Variants in DSCAM observed in about 807,000 individuals in gnomAD.
DSCAM encodes cell adhesion molecule DSCAM.
Under a neutral mutation model 217.7 loss-of-function variants are expected in DSCAM, and 47 were observed. The ratio of observed to expected loss-of-function variants is 0.22; its 90% CI spans 0.17 to 0.28. DSCAM has a LOEUF of 0.28. Ranked by LOEUF, DSCAM falls within the 10% of genes least tolerant of loss-of-function variation. The probability of loss-of-function intolerance (pLI) is 1.00; values close to 1 mark genes in which losing one functional copy is unlikely to be tolerated. For synonymous variants in DSCAM, 1,056 were observed against 1,015.3 expected, an observed-to-expected ratio of 1.04 and a Z score of -0.76; for missense variants, 2,080 against 2,618.3, an observed-to-expected ratio of 0.79 and a Z score of 4.49.
intron 1 of DSCAM, among the ~76,000 whole-genome samples, chr21:40,739,402 T>C (rs1466523096): frequency 1.3e-5 from 2 of 152,206 alleles, no homozygotes; most frequent in Admixed American, 6.5e-5. Flanking sequence ...GCACTACAGA[T>C]GAGTGGCTTA....
chr21:40,290,916 A>T (rs1322125738), intron 10 of DSCAM, among the ~76,000 whole-genome samples: 9 of 152,268 alleles, frequency 5.9e-5, no homozygotes, highest in Non-Finnish European at 1.0e-4. Context: ...GCAGAACAGA[A>T]CATAGAGGGT....
At chr21:40,529,450 C>T (rs1004582172) in intron 3 of DSCAM, among the ~76,000 whole-genome samples, 1 of 152,172 alleles carries the variant, frequency 6.6e-6, no homozygotes, top group Non-Finnish European at 1.5e-5. Context: ...ACCTTAACTG[C>T]AAAGTCTTGG....
intron 3 of DSCAM, among the ~76,000 whole-genome samples, chr21:40,419,686 T>C (rs988369303): frequency 1.3e-5 from 2 of 152,182 alleles, no homozygotes; most frequent in African/African-American, 4.8e-5. Context: ...CAAGAATGTA[T>C]TGCATAACTT....
intron 24 of DSCAM, among the ~76,000 whole-genome samples, chr21:40,083,206 A>C (rs2089487619): frequency 6.6e-6 from 1 of 152,234 alleles, no homozygotes; most frequent in Non-Finnish European, 1.5e-5. Flanking sequence ...AGGTGAGCGG[A>C]TCACCTGAGG....
intron 11 of DSCAM, among the ~76,000 whole-genome samples, chr21:40,265,251 A>G (rs2073509555): frequency 6.6e-6 from 1 of 152,050 alleles, no homozygotes; most frequent in South Asian, 2.1e-4. Flanking sequence ...AAAGAAAATA[A>G]AACACTTTAT....
At chr21:40,689,094 A>G (rs1340823189) in intron 3 of DSCAM, among the ~76,000 whole-genome samples, 2 of 152,252 alleles carry the variant, frequency 1.3e-5, no homozygotes, top group Non-Finnish European at 2.9e-5. Context: ...TGTGCTTCTC[A>G]GGAAAATAAA....
chr21:40,667,515 C>G (rs1601834839), intron 3 of DSCAM, among the ~76,000 whole-genome samples: 1 of 152,178 alleles, frequency 6.6e-6, no homozygotes, highest in East Asian at 1.9e-4. Context: ...GGAAGGCTAC[C>G]TTCGATTTAT....
rs140343732 is a variant in DSCAM at position 40,618,530 on chromosome 21, T to C, written c.508+74280A>G. 2.5e-3 allele frequency: 387 copies of C among 152,320 alleles called. 2 individuals are homozygous for C. Among genetic ancestry groups the C allele is most frequent in the African/African-American group, 8.9e-3 (368 of 41,572 alleles). The allele number at this position is 152,320 out of a possible 1,614,324, so 9.4% of individuals were successfully genotyped here. A position where few individuals can be genotyped will look rare whatever the true frequency, so the allele number is the denominator to read the frequency against. On this transcript the variant is annotated intron_variant, in intron 3 of 32. Transcript: ENST00000400454. ...TCTGCATCCAGAACATCTGGGTTTA[T>C]TAGGCCTAGGATTTTTCTGCACATT...
Position 40,093,866 on chromosome 21 carries a change from G to A in DSCAM, c.3705C>T (p.Ser1235=), listed in dbSNP as rs116157569. The change falls in exon 21 of 33, where the codon AGC becomes AGT. Residue 1235 remains serine (S), a synonymous_variant. Transcript: ENST00000400454. ...ACGAGTCGGGAGAGGCCTCAAACTC[G>A]CTGATCACCTGTAAAAAGAGACATA... ...FCSHPYPTVI[S]EFEASPDSFS... The A allele has an allele frequency of 1.7e-3, 2,680 of 1,613,390 alleles. 37 individuals are homozygous for A. In the African/African-American group the frequency reaches 0.03, roughly 18 times the overall value.
chr21:40,481,306 G>A, intron 3 of DSCAM, among the ~76,000 whole-genome samples: 1 of 151,964 alleles, frequency 6.6e-6, no homozygotes, highest in East Asian at 1.9e-4. Flanking sequence ...CGGCTAACAT[G>A]GTGAAACCCC....
intron 3 of DSCAM, among the ~76,000 whole-genome samples, chr21:40,518,782 T>G (rs1364920304): frequency 6.6e-6 from 1 of 150,698 alleles, no homozygotes; most frequent in Admixed American, 6.7e-5. Context: ...GATACAACTG[T>G]GCATGGCTTA....
chr21:40,389,207 A>C (rs568681963), intron 3 of DSCAM, among the ~76,000 whole-genome samples: 171 of 152,318 alleles, frequency 1.1e-3, no homozygotes, highest in African/African-American at 3.7e-3. Flanking sequence ...AGAAAACTTC[A>C]CTTGTCATTT....
chr21:40,608,712 G>T (rs981013295), intron 3 of DSCAM, among the ~76,000 whole-genome samples: 6 of 151,980 alleles, frequency 3.9e-5, no homozygotes, highest in African/African-American at 1.5e-4. Flanking sequence ...ACACAATTTG[G>T]GAAACATTGA....
chr21:40,215,478 T>TA (rs71186921), intron 11 of DSCAM, among the ~76,000 whole-genome samples: 72,812 of 150,376 alleles, frequency 0.48, 18,107 homozygotes, highest in Middle Eastern at 0.61. Context: ...AACCCAGCCA[T>TA]AAAAAAAAAT....
chr21:40,503,997 T>C (rs1291431325), intron 3 of DSCAM, among the ~76,000 whole-genome samples: 2 of 152,170 alleles, frequency 1.3e-5, no homozygotes, highest in Non-Finnish European at 2.9e-5. Context: ...AAAGATGCTA[T>C]TGGATATTTC....
chr21:40,693,094 T>C (rs62223015), intron 2 of DSCAM, 138 bp from the exon 3 acceptor site: 24,208 of 1,000,028 alleles, frequency 0.024, 703 homozygotes, highest in African/African-American at 0.13. Flanking sequence ...TTAAGATGCC[T>C]ACATTTCACG....
chr21:40,218,572 T>C (rs1385699348), intron 11 of DSCAM, among the ~76,000 whole-genome samples: 3 of 152,162 alleles, frequency 2.0e-5, no homozygotes, highest in Non-Finnish European at 2.9e-5. Flanking sequence ...AATCTGTGAA[T>C]TGATTTTGGC....
intron 11 of DSCAM, among the ~76,000 whole-genome samples, chr21:40,239,681 G>A (rs923746326): frequency 3.9e-5 from 6 of 152,184 alleles, no homozygotes; most frequent in African/African-American, 1.4e-4. Context: ...AAGGACAGAT[G>A]AGGCTCAATA....
chr21:40,376,476 A>ATATC (rs1358937983), intron 3 of DSCAM, among the ~76,000 whole-genome samples: 4 of 129,962 alleles, frequency 3.1e-5, no homozygotes, highest in Admixed American at 8.7e-5. Flanking sequence ...ATAGATATCT[A>ATATC]TATATCTTAT....
Sources: allele counts gnomAD v4.1 joint callset (sites outside exome capture counted in the v4.1 genomes callset), GRCh38; gene constraint gnomAD v4.1.1; transcripts MANE v1.5; gene names NCBI Gene and HGNC (gene_info 2026-07-23, HGNC 2026-07-21).